RPL23A: variants seen among roughly 807,000 people sequenced by gnomAD.
The protein encoded by RPL23A is large ribosomal subunit protein uL23.
A neutral mutation model predicts 17.6 loss-of-function variants in RPL23A; 2 were observed. The observed-to-expected ratio is 0.11, with a 90% CI of 0.05 to 0.36. RPL23A has a LOEUF of 0.36. Among genes scored for constraint, RPL23A ranks in the 10% least tolerant of loss-of-function variants. The pLI is 1.00. For missense variants in RPL23A, 132 were observed against 194.4 expected (o/e 0.68, Z 1.91); for synonymous variants, 65 against 74.3 (o/e 0.87, Z 0.65).
At chr17:28,722,960 C>G in intron 3 of RPL23A, 61 bp downstream of exon 3, 2 of 1,391,332 alleles carry the variant, frequency 1.4e-6, no homozygotes, top group East Asian at 4.6e-5. Context: ...CCAAAAAAAC[C>G]TGCATTCCAT....
intron 4 of RPL23A, 70 bp downstream of exon 4, chr17:28,723,710 A>C: frequency 6.7e-7 from 1 of 1,483,346 alleles, no homozygotes; most frequent in East Asian, 2.3e-5. Context: ...GTTAGCGACC[A>C]AAGCCTGATC....
chr17:28,720,226 G>T lies in RPL23A; in HGVS notation c.25+196G>T, dbSNP rs1395190771. The T allele has an allele frequency of 4.2e-6, 6 of 1,444,924 alleles. No homozygotes were observed. In the African/African-American group the frequency reaches 5.4e-5, roughly 13 times the overall value. 89.5% of individuals were successfully genotyped at this position (1,444,924 alleles called of 1,614,324 possible). A position where few individuals can be genotyped will look rare whatever the true frequency, so the allele number is the denominator to read the frequency against. On this transcript the variant is annotated intron_variant, in intron 1 of 4. Transcript: ENST00000422514. ...GGGCTGAGTTCCGGTAGAGGGAGTT[G>T]GGGGGGGGCAACGCGGCAGGCATCA...
intron 1 of RPL23A, chr17:28,720,393 T>G: frequency 1.3e-6 from 2 of 1,582,080 alleles, no homozygotes; most frequent in Non-Finnish European, 1.7e-6. Flanking sequence ...CGGGCTACAT[T>G]ACCCGCCCCT....
intron 2 of RPL23A, chr17:28,721,859 A>C (rs2034120556): frequency 6.6e-6 from 1 of 152,184 alleles, no homozygotes; most frequent in African/African-American, 2.4e-5. Context: ...ACCAAGCTGG[A>C]CCTAGAATCA....
intron 2 of RPL23A, chr17:28,722,382 T>G: frequency 2.6e-6 from 1 of 389,480 alleles, no homozygotes; most frequent in Non-Finnish European, 5.0e-6. Context: ...TTTCACCATG[T>G]TGGCCAGGAT....
rs956234595 is a variant in RPL23A, at chr17:28,724,298, C to T, written c.*417C>T. 3 of 676,624 alleles carry T rather than the reference C, an allele frequency of 4.4e-6. No individual in the cohort carries two copies. Among genetic ancestry groups the T allele is most frequent in the African/African-American group, 1.8e-5 (1 of 55,872 alleles). The allele number at this position is 676,624 out of a possible 1,614,324, so 41.9% of individuals were successfully genotyped here. A position where few individuals can be genotyped will look rare whatever the true frequency, so the allele number is the denominator to read the frequency against. ...TCCTCACACACCCATCTACTATGTC[C>T]AACCGGTCTGTCTGCTTCCCTCACC... On this transcript the variant is annotated 3_prime_UTR_variant, in exon 5 of 5. Transcript: ENST00000422514.
intron 1 of RPL23A, 186 bp from the exon 2 acceptor site, chr17:28,720,521 T>G: frequency 6.6e-7 from 1 of 1,513,106 alleles, no homozygotes; most frequent in South Asian, 1.1e-5. Context: ...TGGAGTTACT[T>G]AGAGTTGGTC....
chr17:28,720,226 G>GGC (rs1567751144), intron 1 of RPL23A, 196 bp downstream of exon 1: 1 of 1,444,814 alleles, frequency 6.9e-7, no homozygotes, highest in African/African-American at 1.8e-5. Context: ...AGAGGGAGTT[G>GGC]GGGGGGGGCA....
At chr17:28,723,511 A>AGG (rs747937487) in intron 3 of RPL23A, 60 bp from the exon 4 acceptor site, 1 of 1,165,108 alleles carries the variant, frequency 8.6e-7, no homozygotes, top group South Asian at 1.2e-5. Flanking sequence ...TGGAGGAGGA[A>AGG]GGGGGAGGGT....
intron 1 of RPL23A, 140 bp downstream of exon 1, chr17:28,720,170 G>A: frequency 3.3e-6 from 5 of 1,528,600 alleles, no homozygotes; most frequent in African/African-American, 1.4e-5. Context: ...ACACGCTGCA[G>A]TATACGTGGG....
At chr17:28,723,349 G>C in intron 3 of RPL23A, 1 of 743,350 alleles carries the variant, frequency 1.3e-6, no homozygotes, top group South Asian at 1.4e-5. Flanking sequence ...ACACGTGGCA[G>C]ATTACCTTGG....
rs576283780 is a variant in RPL23A, at chr17:28,724,041, C to T, written c.*160C>T. 2.1e-5 allele frequency: 12 copies of T among 562,078 alleles called. No individual in the cohort carries two copies. In the East Asian group the frequency reaches 3.2e-4, roughly 15 times the overall value. 34.8% of individuals were successfully genotyped at this position (562,078 alleles called of 1,614,324 possible). A position where few individuals can be genotyped will look rare whatever the true frequency, so the allele number is the denominator to read the frequency against. On this transcript the variant is annotated 3_prime_UTR_variant, in exon 5 of 5. Coordinates refer to ENST00000422514, the MANE Select transcript of RPL23A (RefSeq NM_000984.6). ...CTGTTCTACTTATCCTTTTGAAATA[C>T]CTCACCCTGCCACTCCACCATGTAT...
chr17:28,720,535 T>A, intron 1 of RPL23A, 172 bp from the exon 2 acceptor site: 1 of 1,455,624 alleles, frequency 6.9e-7, no homozygotes, highest in Non-Finnish European at 9.6e-7. Context: ...GTTGGTCGCT[T>A]TCGCCTCTGG....
Position 28,719,990 on chromosome 17 carries a change from A to C in RPL23A, c.-16A>C, listed in dbSNP as rs2034064170. 1 of 1,551,914 alleles carries C rather than the reference A, an allele frequency of 6.4e-7. No individual in the cohort carries two copies. Among genetic ancestry groups the C allele is most frequent in the Non-Finnish European group, 8.7e-7 (1 of 1,147,046 alleles). On this transcript the variant is annotated 5_prime_UTR_variant, in exon 1 of 5. Coordinates refer to ENST00000422514, the MANE Select transcript of RPL23A (RefSeq NM_000984.6). ...ATAAGCCCGTGGGAACGAGCATTGG[A>C]GACCCTTTTCACAAGATGGCGCCGA...
At position 28,722,867 on chromosome 17, in the gene RPL23A, C is replaced by T. The variant is rs1396002410; in HGVS notation, c.354C>T (p.Asp118=). Residue 118 remains aspartate, a synonymous_variant, in exon 3 of 5, where the codon GAC becomes GAT. Transcript: ENST00000422514. ...AACAGGCTGTGAAGAAGCTGTATGA[C>T]ATTGATGTGGCCAAGGTCAACACCC... ...QIKQAVKKLY[D]IDVAKVNTLI... is the part of the protein sequence containing the mutation. 6.2e-7 allele frequency: 1 copy of T among 1,613,936 alleles called. No individual in the cohort carries two copies. Among genetic ancestry groups the T allele is most frequent in the Non-Finnish European group, 8.5e-7 (1 of 1,179,838 alleles).
At chr17:28,720,091 C>G (rs1442367895) in intron 1 of RPL23A, 61 bp downstream of exon 1, 46 of 1,545,150 alleles carry the variant, frequency 3.0e-5, no homozygotes, top group Non-Finnish European at 8.8e-7. Context: ...GCAGAGCGAA[C>G]GAATTGGGAA....
chr17:28,722,939 G>C, intron 3 of RPL23A, 40 bp downstream of exon 3: 1 of 1,561,866 alleles, frequency 6.4e-7, no homozygotes, highest in South Asian at 1.1e-5. Flanking sequence ...GGCTGGACCA[G>C]CAGTCTGGAG....
Position 28,720,041 on chromosome 17 carries a change from G to A in RPL23A, c.25+11G>A. 6.4e-7 allele frequency: 1 copy of A among 1,551,580 alleles called. No homozygotes were observed. The highest frequency in any genetic ancestry group is 8.7e-7 in the Non-Finnish European group (1 of 1,147,038). The stretch of plus-strand genomic sequence containing the variant: ...AAGCGAAGAAGGAAGGTGTGTGTTG[G>A]TGATGGGGCCGCAGCTGGTTTACCG... On this transcript the variant is annotated intron_variant, in intron 1 of 4. Transcript: ENST00000422514.
rs1336861223 is a variant in RPL23A, at chr17:28,720,019, C to G, written c.14C>G (p.Ala5Gly). 1.9e-6 allele frequency: 3 copies of G among 1,551,930 alleles called. No homozygotes were observed. The highest frequency in any genetic ancestry group is 2.6e-6 in the Non-Finnish European group (3 of 1,147,106). MAPK[A>G]KKEAPAPPKA... ...CCTTTTCACAAGATGGCGCCGAAAG[C>G]GAAGAAGGAAGGTGTGTGTTGGTGA... Residue 5 changes from alanine (A) to glycine (G), a missense_variant, in exon 1 of 5, where the codon GCG (alanine) becomes GGG (glycine). Physicochemically the swap from Ala to Gly is moderately conservative, Grantham distance 60. Around this residue, in one of 2 missense-constraint regions of RPL23A, gnomAD observed 63 missense variants for 48.9 expected, o/e 1.29. Transcript: ENST00000422514.
Sources: gnomAD v4.1 joint callset for allele counts on GRCh38, gnomAD v4.1.1 for gene constraint, gnomAD v4.1.1 regional missense constraint, MANE v1.5 for transcripts, NCBI Gene and HGNC (gene_info 2026-07-23, HGNC 2026-07-21) for gene names.